Variants in STAG1 observed in about 807,000 individuals in gnomAD.
The protein encoded by STAG1 is cohesin subunit SA-1.
A neutral mutation model predicts 170.9 loss-of-function variants in STAG1; 26 were observed. The ratio of observed to expected loss-of-function variants is 0.15; its 90% confidence interval spans 0.11 to 0.21. STAG1 has a LOEUF of 0.21. Ranked by LOEUF, STAG1 falls within the 10% of genes least tolerant of loss-of-function variation. The pLI is 1.00. For missense variants in STAG1, 964 were observed against 1,509.5 expected (o/e 0.64, Z 5.99); for synonymous variants, 514 against 497.7 (o/e 1.03, Z -0.44).
chr3:136,737,518 A>T (rs1934410169), intron 1 of STAG1, among the ~76,000 whole-genome samples: 1 of 152,096 alleles, frequency 6.6e-6, no homozygotes, highest in South Asian at 2.1e-4. Context: ...GATTACAGGC[A>T]TGGGCCATCA....
At chr3:136,630,596 T>C (rs1940295353) in intron 2 of STAG1, among the ~76,000 whole-genome samples, 3 of 152,240 alleles carry the variant, frequency 2.0e-5, no homozygotes, top group Admixed American at 1.3e-4. Flanking sequence ...CAACATGCCA[T>C]ATTTGGCCCA....
In STAG1 at chr3:136,689,344, A is replaced by G. The variant is rs572519271; in HGVS notation, c.-83-58363T>C. 1.7e-4 allele frequency among the ~76,000 whole-genome samples: 26 copies of G among 152,358 alleles called. No individual in the cohort carries two copies. The South Asian group carries it at 5.4e-3, about 32-fold the overall frequency. ...GTGTACATATAGCTTTTCCTGGATT[A>G]AACTCAGAATAAATGGCATAATAAG... On this transcript the variant is annotated intron_variant, in intron 1 of 33. Coordinates refer to ENST00000383202, the MANE Select transcript of STAG1 (RefSeq NM_005862.3).
rs977871588 is a variant in STAG1 at position 136,337,331 on chromosome 3, G to T, written c.*923C>A. 1.0e-4 allele frequency: 16 copies of T among 152,604 alleles called. No homozygotes were observed. The highest frequency in any genetic ancestry group is 3.6e-4 in the African/African-American group (15 of 41,432). 9.5% of individuals were successfully genotyped at this position (152,604 alleles called of 1,614,324 possible). ...GATTATCTTAAGAAAATGGAAGTCT[G>T]TGTAACTTGAATTTGGCAGGGCATG... On this transcript the variant is annotated 3_prime_UTR_variant, in exon 34 of 34. Transcript: ENST00000383202.
At chr3:136,475,652 T>G (rs1055029592) in intron 10 of STAG1, among the ~76,000 whole-genome samples, 1 of 152,166 alleles carries the variant, frequency 6.6e-6, no homozygotes. Flanking sequence ...GATGAAGTCT[T>G]GATAGTTCCT....
intron 13 of STAG1, among the ~76,000 whole-genome samples, chr3:136,457,438 C>G (rs2089146783): frequency 3.3e-5 from 5 of 152,186 alleles, no homozygotes; most frequent in Admixed American, 3.3e-4. Flanking sequence ...ATGTCCTCAC[C>G]TGTTTACCCC....
At chr3:136,351,115 A>C (rs1228842062) in intron 28 of STAG1, among the ~76,000 whole-genome samples, 1 of 151,996 alleles carries the variant, frequency 6.6e-6, no homozygotes, top group East Asian at 1.9e-4. Context: ...AAAACAAGTG[A>C]TTCTTCATTT....
chr3:136,461,715 T>C (rs2089280413), intron 13 of STAG1, among the ~76,000 whole-genome samples: 2 of 152,000 alleles, frequency 1.3e-5, no homozygotes, highest in African/African-American at 4.8e-5. Context: ...GAGATTATAT[T>C]AAGCAAAAAA....
At chr3:136,597,511 A>T (rs1389419178) in intron 4 of STAG1, among the ~76,000 whole-genome samples, 1 of 152,186 alleles carries the variant, frequency 6.6e-6, no homozygotes, top group Non-Finnish European at 1.5e-5. Flanking sequence ...TTAAAATAGT[A>T]GTTTATTCTG....
chr3:136,527,797 T>C (rs1177857953), intron 6 of STAG1, among the ~76,000 whole-genome samples: 1 of 152,164 alleles, frequency 6.6e-6, no homozygotes, highest in Non-Finnish European at 1.5e-5. Flanking sequence ...TAGTTTTCCT[T>C]CTTACAGTCA....
At chr3:136,537,843 CAG>C (rs1478537199) in intron 6 of STAG1, among the ~76,000 whole-genome samples, 1 of 151,794 alleles carries the variant, frequency 6.6e-6, no homozygotes, top group African/African-American at 2.4e-5. Flanking sequence ...GCACCAAGCA[CAG>C]ATTTTTCAAG....
intron 20 of STAG1, among the ~76,000 whole-genome samples, chr3:136,419,610 A>G (rs2087888474): frequency 7.0e-6 from 1 of 142,808 alleles, no homozygotes; most frequent in African/African-American, 2.5e-5. Context: ...ATGCCCGGCT[A>G]ATTTTTGTGT....
intron 1 of STAG1, chr3:136,736,391 A>G: frequency 2.4e-6 from 2 of 825,586 alleles, no homozygotes; most frequent in South Asian, 1.5e-5. Flanking sequence ...TGAAAAGCAA[A>G]TACTACTCTA....
intron 1 of STAG1, among the ~76,000 whole-genome samples, chr3:136,705,424 C>CACTT (rs1553769204): frequency 2.3e-5 from 3 of 131,140 alleles, no homozygotes; most frequent in Admixed American, 7.7e-5. Context: ...CACACACACA[C>CACTT]AACGAAGTTC....
At chr3:136,418,731 TC>T (rs1309069426) in intron 20 of STAG1, among the ~76,000 whole-genome samples, 6 of 151,920 alleles carry the variant, frequency 3.9e-5, no homozygotes. Context: ...AACCTCCGCC[TC>T]CCGGGTTCAA....
Position 136,398,847 on chromosome 3 carries a change from A to G in STAG1, c.2197-18T>C. 1 of 1,515,534 alleles carries G rather than the reference A, an allele frequency of 6.6e-7. No homozygotes were observed. Among genetic ancestry groups the G allele is most frequent in the Non-Finnish European group, 8.9e-7 (1 of 1,127,396 alleles). The allele number at this position is 1,515,534 out of a possible 1,614,324, so 93.9% of individuals were successfully genotyped here. A position where few individuals can be genotyped will look rare whatever the true frequency, so the allele number is the denominator to read the frequency against. ...ACGACTATCTGTATCAAATGAAAAA[A>G]AATTTTTTTAATGAAAAATTCAAAA... is the stretch of plus-strand genomic sequence containing the variant. On this transcript the variant is annotated intron_variant, in intron 21 of 33. Transcript: ENST00000383202.
chr3:136,375,816 A>G (rs1260595135), intron 23 of STAG1, among the ~76,000 whole-genome samples: 2 of 151,548 alleles, frequency 1.3e-5, no homozygotes, highest in Non-Finnish European at 2.9e-5. Flanking sequence ...AAAAATACAA[A>G]AAAATTAGCC....
intron 6 of STAG1, among the ~76,000 whole-genome samples, chr3:136,534,999 G>A (rs1935551481): frequency 6.6e-6 from 1 of 152,180 alleles, no homozygotes; most frequent in Non-Finnish European, 1.5e-5. Flanking sequence ...ATCAATCTAA[G>A]TGTCCATCAA....
chr3:136,633,617 T>G (rs1416613879), intron 1 of STAG1, among the ~76,000 whole-genome samples: 3 of 147,160 alleles, frequency 2.0e-5, no homozygotes, highest in Non-Finnish European at 4.4e-5. Context: ...GGACAATCAC[T>G]TGAACTCGGA....
chr3:136,369,243 G>A lies in STAG1; in HGVS notation c.2410C>T (p.His804Tyr). Residue 804 changes from histidine (H) to tyrosine (Y), a missense_variant, in exon 24 of 34, where the codon CAC (histidine) becomes TAC (tyrosine). Physicochemically the swap from His to Tyr is moderately conservative, Grantham distance 83. This residue lies in a region of STAG1 where 232 missense variants were observed against 313.0 expected (regional missense o/e 0.74). Transcript: ENST00000383202. ...LLCDLLMIFS[H>Y]QLMTGGREGL... ...TCTCTGCCACCTGTCATTAATTGGT[G>A]GCTGAAAATCATCAGAAGATCACAG... 2 of 1,601,388 alleles carry A rather than the reference G, an allele frequency of 1.2e-6. No homozygotes were observed. Among genetic ancestry groups the A allele is most frequent in the East Asian group, 2.3e-5 (1 of 44,208 alleles).
Sources: allele counts gnomAD v4.1 joint callset (sites outside exome capture counted in the v4.1 genomes callset), GRCh38; gene constraint gnomAD v4.1.1; regional missense constraint gnomAD v4.1.1; transcripts MANE v1.5; gene names NCBI Gene and HGNC (gene_info 2026-07-23, HGNC 2026-07-21).